RAB11FIP1: variants seen among roughly 807,000 people sequenced by gnomAD.
RAB11FIP1 encodes RAB11 family interacting protein 1.
In RAB11FIP1, 49 loss-of-function variants were observed where a neutral mutation model predicts 83.1. The observed-to-expected ratio is 0.59, with a 90% CI of 0.47 to 0.75. RAB11FIP1 has a LOEUF of 0.75. RAB11FIP1 is among the 30% of genes least tolerant of loss of function. RAB11FIP1 has a pLI of 0.00. For synonymous variants in RAB11FIP1, 670 were observed against 656.0 expected, an observed-to-expected ratio of 1.02 and a Z score of -0.33; for missense variants, 1,536 against 1,598.7, an observed-to-expected ratio of 0.96 and a Z score of 0.67.
rs1806262469 is a variant in RAB11FIP1, at chr8:37,862,719, T to C, written c.*176A>G. On this transcript the variant is annotated 3_prime_UTR_variant, in exon 6 of 6. Transcript: ENST00000330843. ...AGCCTTGGGAATGTACAGTAAAAGA[T>C]TAATTGTAATCATTAACCTGGCTTC... 1.7e-6 allele frequency: 1 copy of C among 588,980 alleles called. No homozygotes were observed. 36.5% of individuals were successfully genotyped at this position (588,980 alleles called of 1,614,324 possible).
intron 1 of RAB11FIP1, among the ~76,000 whole-genome samples, chr8:37,894,257 T>G (rs1194467034): frequency 1.3e-5 from 2 of 152,196 alleles, no homozygotes; most frequent in Non-Finnish European, 1.5e-5. Context: ...TTGCTTATAA[T>G]TTGTGGATTA....
At chr8:37,870,150 T>A (rs1806421297) in intron 5 of RAB11FIP1, among the ~76,000 whole-genome samples, 1 of 151,740 alleles carries the variant, frequency 6.6e-6, no homozygotes, top group South Asian at 2.1e-4. Flanking sequence ...GGAAAATTTT[T>A]AAATAATTTT....
chr8:37,867,471 G>A (rs1236776229), intron 5 of RAB11FIP1, among the ~76,000 whole-genome samples: 5 of 152,152 alleles, frequency 3.3e-5, no homozygotes, highest in African/African-American at 4.8e-5. Flanking sequence ...TTGGGAGGCC[G>A]AGGTGGGTGG....
At position 37,899,025 on chromosome 8, in the gene RAB11FIP1, G is replaced by A; in HGVS notation, c.371+46C>T. The A allele has an allele frequency of 7.0e-7, 1 of 1,421,510 alleles. No individual in the cohort carries two copies. The highest frequency in any genetic ancestry group is 9.1e-7 in the Non-Finnish European group (1 of 1,097,370). 88.1% of individuals were successfully genotyped at this position (1,421,510 alleles called of 1,614,324 possible). A position where few individuals can be genotyped will look rare whatever the true frequency, so the allele number is the denominator to read the frequency against. On this transcript the variant is annotated intron_variant, in intron 1 of 5. Coordinates refer to ENST00000330843, the MANE Select transcript of RAB11FIP1 (RefSeq NM_001002814.3). This position sits in a 1 kb window ranked among gnomAD's most constrained non-coding sequence, Gnocchi z 4.5. ...AGCGCCCAGACCGCCCTGCCGGAGG[G>A]GTCCGCGCCCCCAGGCCGGGCCCTC... is the stretch of plus-strand genomic sequence containing the variant.
chr8:37,898,167 T>G (rs1807130760), intron 1 of RAB11FIP1, among the ~76,000 whole-genome samples: 1 of 152,340 alleles, frequency 6.6e-6, no homozygotes, highest in East Asian at 1.9e-4. Flanking sequence ...CATCTAAAAT[T>G]CACTTAGTGC....
At chr8:37,892,128 T>C (rs967765407) in intron 1 of RAB11FIP1, among the ~76,000 whole-genome samples, 1 of 152,224 alleles carries the variant, frequency 6.6e-6, no homozygotes, top group Non-Finnish European at 1.5e-5. Flanking sequence ...CCTGATTTTA[T>C]GTGTTCATTC....
At chr8:37,888,762 C>A (rs1336074451) in intron 1 of RAB11FIP1, among the ~76,000 whole-genome samples, 5 of 151,640 alleles carry the variant, frequency 3.3e-5, no homozygotes, top group African/African-American at 1.2e-4. Flanking sequence ...ACCACTGCAC[C>A]CAGCCCCTCA....
chr8:37,873,942 C>A (rs926272012), intron 3 of RAB11FIP1, among the ~76,000 whole-genome samples: 1 of 151,870 alleles, frequency 6.6e-6, no homozygotes. Context: ...CTCCCCAGAC[C>A]GCAGAAATAT....
At chr8:37,892,564 C>A (rs1206022032) in intron 1 of RAB11FIP1, among the ~76,000 whole-genome samples, 3 of 151,960 alleles carry the variant, frequency 2.0e-5, no homozygotes, top group African/African-American at 7.3e-5. Context: ...AAGCAATTCT[C>A]CTGCCTCAGC....
rs775019371 is a variant in RAB11FIP1 at position 37,872,081 on chromosome 8, G to A, written c.2721C>T (p.Asp907=). 52 of 1,614,014 alleles carry A rather than the reference G, an allele frequency of 3.2e-5. No homozygotes were observed. The highest frequency in any genetic ancestry group is 2.2e-5 in the Non-Finnish European group (26 of 1,180,028). ...CTCCCTCCATCCTAAAGAGTGGAGT[G>A]TCTTTCGCTGAGCTTGCTTCACTCA... ...VPMSEASSAK[D]TPLFRMEGED... is the part of the protein sequence containing the mutation. Residue 907 remains aspartate (D), a synonymous_variant, in exon 4 of 6, where the codon GAC becomes GAT. Coordinates refer to ENST00000330843, the MANE Select transcript of RAB11FIP1 (RefSeq NM_001002814.3).
In RAB11FIP1 at chr8:37,858,626, ACC is replaced by A. The variant is rs1806172578; in HGVS notation, c.*4267_*4268del. The A allele has an allele frequency of 6.6e-6, 1 of 152,212 alleles. No homozygotes were observed. The highest frequency in any genetic ancestry group is 1.5e-5 in the Non-Finnish European group (1 of 68,060). 9.4% of individuals were successfully genotyped at this position (152,212 alleles called of 1,614,324 possible). A position where few individuals can be genotyped will look rare whatever the true frequency, so the allele number is the denominator to read the frequency against. ...TGGTGGGGGTGGGAACTGAGGAAAG[ACC>A]CTGTCCAAATGCTCAGCCAAGGGTA... On this transcript the variant is annotated 3_prime_UTR_variant, in exon 6 of 6. Transcript: ENST00000330843.
At chr8:37,863,430 T>C (rs959499165) in intron 5 of RAB11FIP1, among the ~76,000 whole-genome samples, 5 of 152,094 alleles carry the variant, frequency 3.3e-5, no homozygotes, top group African/African-American at 4.8e-5. Flanking sequence ...ATTTTTTTAG[T>C]AGGCACAAGG....
intron 1 of RAB11FIP1, among the ~76,000 whole-genome samples, chr8:37,894,751 CAT>C (rs1268915640): frequency 1.4e-5 from 2 of 142,648 alleles, no homozygotes; most frequent in African/African-American, 5.6e-5. Context: ...CACACACACA[CAT>C]ACATACATAT....
At chr8:37,873,757 G>A (rs974057714) in intron 3 of RAB11FIP1, among the ~76,000 whole-genome samples, 1 of 152,170 alleles carries the variant, frequency 6.6e-6, no homozygotes, top group African/African-American at 2.4e-5. Flanking sequence ...CAAGGCCCGA[G>A]CATTTGATTA....
intron 1 of RAB11FIP1, 86 bp downstream of exon 1, chr8:37,898,985 A>C: frequency 7.6e-7 from 1 of 1,307,336 alleles, no homozygotes; most frequent in Non-Finnish European, 9.9e-7. Context: ...TGCCCGGCTT[A>C]CTCTCGAAGG....
At position 37,871,701 on chromosome 8, in the gene RAB11FIP1, G is replaced by T; in HGVS notation, c.3101C>A (p.Ala1034Glu). The T allele has an allele frequency of 6.2e-7, 1 of 1,613,694 alleles. No homozygotes were observed. The highest frequency in any genetic ancestry group is 1.1e-5 in the South Asian group (1 of 91,092). Residue 1034 changes from alanine to glutamate, a missense_variant, in exon 4 of 6, where the codon GCA becomes GAA. By Grantham distance (107) the Ala-to-Glu change is moderately radical (BLOSUM62 -1). Transcript: ENST00000330843. ...GEGLCDFRLQ[A>E]PQASVTAPSE... ...AGGAGCTGTCACAGATGCCTGGGGT[G>T]CTTGCAGCCTGAAATCACACAGGCC... is the stretch of plus-strand genomic sequence containing the variant.
intron 1 of RAB11FIP1, among the ~76,000 whole-genome samples, chr8:37,890,853 C>T (rs2130190121): frequency 6.6e-6 from 1 of 152,112 alleles, no homozygotes; most frequent in South Asian, 2.1e-4. Context: ...AGAAGCAGAG[C>T]TTTGATTTCA....
Position 37,861,496 on chromosome 8 carries a change from T to C in RAB11FIP1, c.*1399A>G, listed in dbSNP as rs1806231121. 1 of 422,526 alleles carries C rather than the reference T, an allele frequency of 2.4e-6. No homozygotes were observed. The highest frequency in any genetic ancestry group is 3.2e-5 in the Admixed American group (1 of 30,898). The allele number at this position is 422,526 out of a possible 1,614,324, so 26.2% of individuals were successfully genotyped here. ...GACATGCAGATGCAGTTCAATCCCT[T>C]TGGGGTCCAATCCATGGTCTCCTGT... is the stretch of plus-strand genomic sequence containing the variant. On this transcript the variant is annotated 3_prime_UTR_variant, in exon 6 of 6. Transcript: ENST00000330843.
At position 37,862,451 on chromosome 8, in the gene RAB11FIP1, AAC is replaced by A. The variant is rs1165623833; in HGVS notation, c.*442_*443del. On this transcript the variant is annotated 3_prime_UTR_variant, in exon 6 of 6. Coordinates refer to ENST00000330843, the MANE Select transcript of RAB11FIP1 (RefSeq NM_001002814.3). ...AGAAGCCAAGAAAGTATGTGTATGT[AAC>A]ACAGCACCAATCGCATGGTCCTTTT... 6.2e-6 allele frequency: 1 copy of A among 160,298 alleles called. No individual in the cohort carries two copies. The highest frequency in any genetic ancestry group is 1.8e-4 in the East Asian group (1 of 5,594). The allele number at this position is 160,298 out of a possible 1,614,324, so 9.9% of individuals were successfully genotyped here. A position where few individuals can be genotyped will look rare whatever the true frequency, so the allele number is the denominator to read the frequency against.
Sources: allele counts gnomAD v4.1 joint callset (sites outside exome capture counted in the v4.1 genomes callset), GRCh38; gene constraint gnomAD v4.1.1; non-coding constraint Gnocchi (gnomAD v3.1); transcripts MANE v1.5; gene names NCBI Gene and HGNC (gene_info 2026-07-23, HGNC 2026-07-21).